KCNQ4: variants seen among roughly 807,000 people sequenced by gnomAD.
KCNQ4 encodes the protein potassium voltage-gated channel subfamily KQT member 4.
KCNQ4 carries 31 observed loss-of-function variants against 72.6 expected under a neutral mutation model. That is an observed-to-expected ratio of 0.43 (90% CI 0.32 to 0.58). KCNQ4 has a LOEUF of 0.58. KCNQ4 is among the 20% of genes least tolerant of loss of function. The probability of loss-of-function intolerance (pLI) is 0.08; values close to 1 mark genes in which losing one functional copy is unlikely to be tolerated. For missense variants in KCNQ4, 869 were observed against 962.6 expected (o/e 0.90, Z 1.29); for synonymous variants, 405 against 403.7 (o/e 1.00, Z -0.04).
intron 4 of KCNQ4, chr1:40,818,995 G>A (rs1370082276): frequency 1.8e-6 from 1 of 570,788 alleles, no homozygotes; most frequent in East Asian, 3.1e-5. Flanking sequence ...GCTGAGGTGG[G>A]ACTTGAGGGT....
intron 1 of KCNQ4, among the ~76,000 whole-genome samples, chr1:40,793,789 T>C (rs1038262988): frequency 1.3e-5 from 2 of 152,212 alleles, no homozygotes; most frequent in African/African-American, 2.4e-5. Flanking sequence ...ATCATCTAGC[T>C]AACTCCTATT....
At position 40,784,360 on chromosome 1, in the gene KCNQ4, C is replaced by T; in HGVS notation, c.267C>T (p.Asn89=). ...RYRRLQNWVY[N]VLERPRGWAF... ...GCCGCCTGCAGAACTGGGTCTACAA[C>T]GTGCTGGAGCGGCCCCGCGGCTGGG... Residue 89 remains asparagine, a synonymous_variant, in exon 1 of 14, where the codon AAC becomes AAT. Transcript: ENST00000347132. The surrounding 1 kb of genome is among the most constrained non-coding windows in gnomAD (Gnocchi z 4.1). 1.2e-6 allele frequency: 2 copies of T among 1,610,276 alleles called. No individual in the cohort carries two copies. The highest frequency in any genetic ancestry group is 1.1e-5 in the South Asian group (1 of 91,078).
rs1647187343 is a variant in KCNQ4 at position 40,784,886 on chromosome 1, A to G, written c.314+479A>G. 6.6e-6 allele frequency among the ~76,000 whole-genome samples: 1 copy of G among 152,114 alleles called. No homozygotes were observed. The highest frequency in any genetic ancestry group is 6.5e-5 in the Admixed American group (1 of 15,288). On this transcript the variant is annotated intron_variant, in intron 1 of 13. Transcript: ENST00000347132. This position sits in a 1 kb window ranked among gnomAD's most constrained non-coding sequence, Gnocchi z 4.1. ...GCTCCCCTCAGGGGTGCTCCTCTCCAGGGCGGCCCTCATTCCTACCCCTGC... is the reference window on the plus strand; with the variant it reads ...GCTCCCCTCAGGGGTGCTCCTCTCCGGGGCGGCCCTCATTCCTACCCCTGC...
chr1:40,810,742 T>C (rs1360608345), intron 1 of KCNQ4, among the ~76,000 whole-genome samples: 1 of 152,070 alleles, frequency 6.6e-6, no homozygotes, highest in African/African-American at 2.4e-5. Flanking sequence ...GCTGAGCTGA[T>C]GGCCGATCCT....
chr1:40,800,273 G>A (rs1363543154), intron 1 of KCNQ4, among the ~76,000 whole-genome samples: 1 of 152,108 alleles, frequency 6.6e-6, no homozygotes, highest in Non-Finnish European at 1.5e-5. Context: ...AGAATCTGAG[G>A]ATCGGAGGGT....
In KCNQ4 at chr1:40,822,191, A is replaced by G. The variant is rs1648317802; in HGVS notation, c.1042-123A>G. 7.5e-6 allele frequency: 6 copies of G among 797,808 alleles called. No homozygotes were observed. In the Admixed American group the frequency reaches 1.2e-4, roughly 16 times the overall value. The allele number at this position is 797,808 out of a possible 1,614,324, so 49.4% of individuals were successfully genotyped here. A position where few individuals can be genotyped will look rare whatever the true frequency, so the allele number is the denominator to read the frequency against. ...CCCTGTCAGTGGCTGTGGAATTGGA[A>G]CTGGCCTCTGGCTCTGGGTAACCCA... On this transcript the variant is annotated intron_variant, in intron 7 of 13. Transcript: ENST00000347132.
chr1:40,827,616 C>T (rs1648519568), intron 9 of KCNQ4, among the ~76,000 whole-genome samples: 1 of 152,160 alleles, frequency 6.6e-6, no homozygotes, highest in Non-Finnish European at 1.5e-5. Flanking sequence ...CTCTGGGGCC[C>T]TGTGGGCTGG....
At position 40,820,243 on chromosome 1, in the gene KCNQ4, G is replaced by T; in HGVS notation, c.1024G>T (p.Ala342Ser). The change falls in exon 7 of 14, where the codon GCA becomes TCA. Residue 342 changes from alanine to serine, a missense_variant. Physicochemically the swap from Ala to Ser is moderately conservative, Grantham distance 99. Around this residue, in one of 5 missense-constraint regions of KCNQ4, gnomAD observed 480 missense variants for 501.9 expected, o/e 0.96. Transcript: ENST00000347132. ...QKHFEKRRMP[A>S]ANLIQAAWRL... ...GCACTTCGAGAAGCGGAGGATGCCG[G>T]CAGCCAACCTCATCCAGGTACAAGA... The T allele has an allele frequency of 6.2e-7, 1 of 1,606,942 alleles. No homozygotes were observed. Among genetic ancestry groups the T allele is most frequent in the Non-Finnish European group, 8.5e-7 (1 of 1,176,882 alleles).
At position 40,832,953 on chromosome 1, in the gene KCNQ4, C is replaced by T. The variant is rs550004437; in HGVS notation, c.1514-61C>T. 6.1e-5 allele frequency: 74 copies of T among 1,213,816 alleles called. 1 individual carries two copies. The South Asian group carries it at 6.1e-4, about 10-fold the overall frequency. 75.2% of individuals were successfully genotyped at this position (1,213,816 alleles called of 1,614,324 possible). On this transcript the variant is annotated intron_variant, in intron 10 of 13. Coordinates refer to ENST00000347132, the MANE Select transcript of KCNQ4 (RefSeq NM_004700.4). The stretch of plus-strand genomic sequence containing the variant: ...TACTGGTGGTTTGGCATACAAGGGT[C>T]GGATGGGAGGTTGGGAGTGGCCCCT...
At chr1:40,799,441 CT>C (rs948035123) in intron 1 of KCNQ4, among the ~76,000 whole-genome samples, 13 of 151,992 alleles carry the variant, frequency 8.6e-5, no homozygotes, top group African/African-American at 2.4e-4. Flanking sequence ...TGCCCCCCCC[CT>C]CGCTAGGCAG....
chr1:40,826,500 G>A, intron 9 of KCNQ4: 1 of 378,778 alleles, frequency 2.6e-6, no homozygotes, highest in Admixed American at 2.7e-5. Context: ...CTGGTGATGG[G>A]GCTGGAGGAT....
At chr1:40,790,518 G>A (rs1450850485) in intron 1 of KCNQ4, among the ~76,000 whole-genome samples, 2 of 152,172 alleles carry the variant, frequency 1.3e-5, no homozygotes, top group East Asian at 3.8e-4. Flanking sequence ...TGTGGGCCCT[G>A]CCCATGAGAG....
chr1:40,806,000 C>T (rs1391623097), intron 1 of KCNQ4, among the ~76,000 whole-genome samples: 2 of 152,194 alleles, frequency 1.3e-5, no homozygotes, highest in African/African-American at 4.8e-5. Flanking sequence ...CACCACCACG[C>T]CTGGCTAAGT....
chr1:40,830,549 CAT>C (rs940483219), intron 9 of KCNQ4, among the ~76,000 whole-genome samples: 2 of 152,152 alleles, frequency 1.3e-5, no homozygotes, highest in African/African-American at 4.8e-5. Flanking sequence ...CACACTCGCA[CAT>C]GTGTGTGCAC....
At chr1:40,785,868 G>A (rs1224525285) in intron 1 of KCNQ4, among the ~76,000 whole-genome samples, 1 of 152,046 alleles carries the variant, frequency 6.6e-6, no homozygotes, top group Non-Finnish European at 1.5e-5. Context: ...GGGCTCTCTC[G>A]GCCATTAAGT....
chr1:40,839,676 C>T lies in KCNQ4; in HGVS notation c.*1153C>T, dbSNP rs1168841705. Reference sequence around the variant, plus strand: ...CAAGAAGATCTCCTCCTCTCTGGTCCAGGAGCCCTAACCCACTGCCTCTGC... The same window carrying T: ...CAAGAAGATCTCCTCCTCTCTGGTCTAGGAGCCCTAACCCACTGCCTCTGC... On this transcript the variant is annotated 3_prime_UTR_variant, in exon 14 of 14. Coordinates refer to ENST00000347132, the MANE Select transcript of KCNQ4 (RefSeq NM_004700.4). The T allele has an allele frequency of 1.3e-5, 2 of 152,614 alleles. No individual in the cohort carries two copies. The highest frequency in any genetic ancestry group is 2.9e-5 in the Non-Finnish European group (2 of 68,422). The allele number at this position is 152,614 out of a possible 1,614,324, so 9.5% of individuals were successfully genotyped here.
intron 13 of KCNQ4, 82 bp from the exon 14 acceptor site, chr1:40,838,229 T>G (rs1042823976): frequency 1.7e-6 from 2 of 1,192,712 alleles, no homozygotes; most frequent in Non-Finnish European, 2.4e-6. Context: ...CCGGCTAGGG[T>G]CCGCCCCGAG....
chr1:40,812,038 C>T (rs1230357132), intron 1 of KCNQ4, among the ~76,000 whole-genome samples: 4 of 152,174 alleles, frequency 2.6e-5, no homozygotes, highest in Admixed American at 1.3e-4. Context: ...GTCTCCTCTA[C>T]CCCTGACCTC....
At chr1:40,792,471 G>A (rs554373901) in intron 1 of KCNQ4, among the ~76,000 whole-genome samples, 68 of 152,296 alleles carry the variant, frequency 4.5e-4, no homozygotes, top group African/African-American at 1.5e-3. Context: ...CAGATCCACG[G>A]GCTTCATTTC....
Sources: gnomAD v4.1 joint callset for allele counts (sites outside exome capture counted in the v4.1 genomes callset) on GRCh38, gnomAD v4.1.1 for gene constraint, gnomAD v4.1.1 regional missense constraint, Gnocchi (gnomAD v3.1) non-coding constraint, MANE v1.5 for transcripts, NCBI Gene and HGNC (gene_info 2026-07-23, HGNC 2026-07-21) for gene names.